Variants in PCF11 observed in about 807,000 individuals in gnomAD.
The protein encoded by PCF11 is PCF11 cleavage and polyadenylation factor subunit, also known as pre-mRNA cleavage complex 2 protein Pcf11.
PCF11 carries 19 observed loss-of-function variants against 166.1 expected under a neutral mutation model. The observed-to-expected ratio is 0.11, with a 90% CI of 0.08 to 0.17. The LOEUF (loss-of-function observed/expected upper bound fraction) is 0.17, where lower values mean the gene tolerates loss of function less well. Ranked by LOEUF, PCF11 falls within the 10% of genes least tolerant of loss-of-function variation. PCF11 has a pLI of 1.00. For synonymous variants in PCF11, 663 were observed against 644.1 expected (o/e 1.03, Z -0.44); for missense variants, 1,565 against 1,855.5 (o/e 0.84, Z 2.88).
exon 8 of PCF11, chr11:83,168,730 G>C (rs745999758): frequency 3.1e-6 from 5 of 1,613,688 alleles, no homozygotes; most frequent in East Asian, 2.2e-5. Context: ...AGGACAAATG[G>C]GGGGAGGAGG....
chr11:83,157,750 CA>C, intron 1 of PCF11, 119 bp downstream of exon 1: 1 of 880,252 alleles, frequency 1.1e-6, no homozygotes, highest in Non-Finnish European at 1.8e-6. Context: ...CCAACCCCCC[CA>C]CCCCCCTCCA....
intron 9 of PCF11, among the ~76,000 whole-genome samples, chr11:83,176,696 G>C (rs1401590866): frequency 6.6e-6 from 1 of 151,816 alleles, no homozygotes; most frequent in Non-Finnish European, 1.5e-5. Context: ...GGGGGTGGGG[G>C]GTCTGGGGGA....
exon 5 of PCF11, chr11:83,166,250 T>C (rs1239505089): frequency 6.2e-7 from 1 of 1,613,292 alleles, no homozygotes; most frequent in South Asian, 1.1e-5. Flanking sequence ...AAATCATAAA[T>C]GGCATTGTAC....
intron 9 of PCF11, among the ~76,000 whole-genome samples, chr11:83,174,695 A>G (rs894744866): frequency 6.6e-6 from 1 of 152,148 alleles, no homozygotes; most frequent in African/African-American, 2.4e-5. Context: ...TGAGGCATAG[A>G]TAAGGAACTT....
chr11:83,179,746 G>A (rs1436648768), intron 11 of PCF11, among the ~76,000 whole-genome samples: 1 of 151,716 alleles, frequency 6.6e-6, no homozygotes, highest in African/African-American at 2.4e-5. Context: ...ACTAGAACCT[G>A]TCTCTACTAG....
intron 1 of PCF11, chr11:83,157,899 A>T: frequency 2.1e-6 from 1 of 484,012 alleles, no homozygotes; most frequent in South Asian, 2.6e-5. Flanking sequence ...CGACACACAC[A>T]CGCTTTGAAT....
exon 16 of PCF11, chr11:83,186,671 TC>T (rs1274613345): frequency 6.6e-6 from 1 of 152,224 alleles, no homozygotes; most frequent in African/African-American, 2.4e-5. Context: ...TTTTTAAGAA[TC>T]AAGTGAATAC....
intron 4 of PCF11, among the ~76,000 whole-genome samples, 181 bp downstream of exon 4, chr11:83,164,582 C>T (rs1398698348): frequency 6.6e-6 from 1 of 151,862 alleles, no homozygotes; most frequent in East Asian, 1.9e-4. Flanking sequence ...GTAAAATTCA[C>T]TTGATTAAAA....
At chr11:83,179,623 G>A (rs1861014164) in intron 11 of PCF11, among the ~76,000 whole-genome samples, 1 of 152,060 alleles carries the variant, frequency 6.6e-6, no homozygotes, top group Non-Finnish European at 1.5e-5. Context: ...AGTGATTTAG[G>A]CTGGGCGCAG....
intron 9 of PCF11, among the ~76,000 whole-genome samples, chr11:83,174,388 T>TG (rs1226753163): frequency 4.3e-5 from 2 of 46,794 alleles, no homozygotes; most frequent in East Asian, 9.4e-4. Flanking sequence ...TTTTTAAAGT[T>TG]TTTTTTTTTT....
Position 83,167,061 on chromosome 11 carries a change from A to G in PCF11, c.1818-64A>G. The G allele has an allele frequency of 7.8e-7, 1 of 1,274,980 alleles. No homozygotes were observed. Among genetic ancestry groups the G allele is most frequent in the Non-Finnish European group, 1.1e-6 (1 of 908,652 alleles). 79.0% of individuals were successfully genotyped at this position (1,274,980 alleles called of 1,614,324 possible). ...CCATATCCTTTGAAAAGAATCTTTA[A>G]ATATGGTCCTGAGTATTTTTTAAAA... is the stretch of plus-strand genomic sequence containing the variant. On this transcript the variant is annotated intron_variant, in intron 5 of 15. Transcript: ENST00000298281. This position sits in a 1 kb window ranked among gnomAD's most constrained non-coding sequence, Gnocchi z 4.2.
Position 83,170,060 on chromosome 11 carries a change from G to A in PCF11, c.3660+65G>A, listed in dbSNP as rs994120682. On this transcript the variant is annotated intron_variant, in intron 8 of 15. Coordinates refer to ENST00000298281, the Ensembl canonical transcript of PCF11. ...GTTAACCATTTTTTAATGTTTCTAGGAGGGTTTTCAGGACATAGTTTATTG... is the reference window on the plus strand; with the variant it reads ...GTTAACCATTTTTTAATGTTTCTAGAAGGGTTTTCAGGACATAGTTTATTG... 1.9e-5 allele frequency: 26 copies of A among 1,356,436 alleles called. No individual in the cohort carries two copies. In the Admixed American group the frequency reaches 4.6e-4, roughly 24 times the overall value. The allele number at this position is 1,356,436 out of a possible 1,614,324, so 84.0% of individuals were successfully genotyped here.
chr11:83,157,538 C>T, exon 1 of PCF11: 2 of 1,613,950 alleles, frequency 1.2e-6, no homozygotes, highest in Non-Finnish European at 1.7e-6. Context: ...CCTTCAATAG[C>T]AAGCCGCACA....
At chr11:83,160,714 C>G (rs1362779114) in intron 1 of PCF11, among the ~76,000 whole-genome samples, 1 of 152,108 alleles carries the variant, frequency 6.6e-6, no homozygotes, top group Non-Finnish European at 1.5e-5. Context: ...CTGCTCCATC[C>G]AGTTTTTCTT....
chr11:83,157,150 AAC>A (rs973450534), exon 1 of PCF11: 5 of 567,282 alleles, frequency 8.8e-6, no homozygotes, highest in African/African-American at 1.9e-5. Flanking sequence ...AGCGGTTGGG[AAC>A]ACAGACATTT....
At chr11:83,157,151 A>G in exon 1 of PCF11, 3 of 571,052 alleles carry the variant, frequency 5.3e-6, no homozygotes, top group South Asian at 4.6e-5. Context: ...GCGGTTGGGA[A>G]CACAGACATT....
intron 2 of PCF11, among the ~76,000 whole-genome samples, 171 bp from the exon 3 acceptor site, chr11:83,163,506 ACT>A (rs1286562156): frequency 6.6e-6 from 1 of 152,036 alleles, no homozygotes; most frequent in African/African-American, 2.4e-5. Flanking sequence ...GGTTTTAATT[ACT>A]CTGTTTTTGA....
rs373286413 is a variant in PCF11 at position 83,166,460 on chromosome 11, T to A, written c.1563T>A (p.Ile521=). The A allele has an allele frequency of 9.8e-4, 1,583 of 1,613,844 alleles. 2 individuals are homozygous for A. Among genetic ancestry groups the A allele is most frequent in the Non-Finnish European group, 1.3e-3 (1,503 of 1,179,874 alleles). The change falls in exon 5 of 16, where the codon ATT becomes ATA. Residue 521 remains isoleucine (I), a synonymous_variant. Transcript: ENST00000298281. Reference sequence around the variant, plus strand: ...CATCGACACCTAAAGCTGGAAAGATTCGCCAATCTGGAGCTAAGCAGTCAC... The same window carrying A: ...CATCGACACCTAAAGCTGGAAAGATACGCCAATCTGGAGCTAAGCAGTCAC...
In PCF11 at chr11:83,170,772, A is replaced by G. The variant is rs187223641; in HGVS notation, c.3660+777A>G. ...TTCCAGGTGCAGACATTTTCTTACT[A>G]TGACAGATTTATTTTATAGTAGTAA... On this transcript the variant is annotated intron_variant, in intron 8 of 15. Coordinates refer to ENST00000298281, the Ensembl canonical transcript of PCF11. 4.2e-3 allele frequency among the ~76,000 whole-genome samples: 638 copies of G among 152,304 alleles called. 4 individuals are homozygous for G. Among genetic ancestry groups the G allele is most frequent in the Non-Finnish European group, 7.5e-3 (507 of 68,002 alleles).
Sources: gnomAD v4.1 joint callset for allele counts (sites outside exome capture counted in the v4.1 genomes callset) on GRCh38, gnomAD v4.1.1 for gene constraint, Gnocchi (gnomAD v3.1) non-coding constraint, MANE v1.5 for transcripts, NCBI Gene and HGNC (gene_info 2026-07-23, HGNC 2026-07-21) for gene names.